CCDC7: variants seen among roughly 807,000 people sequenced by gnomAD.
The protein encoded by CCDC7 is coiled-coil domain containing 7.
CCDC7 carries 183 observed loss-of-function variants against 196.9 expected under a neutral mutation model. The ratio of observed to expected loss-of-function variants is 0.93; its 90% CI spans 0.82 to 1.05. CCDC7 has a LOEUF of 1.05. Ranked by LOEUF, CCDC7 falls within the 50% of genes least tolerant of loss-of-function variation. The pLI is 0.00. For missense variants in CCDC7, 1,540 were observed against 1,482.2 expected, an observed-to-expected ratio of 1.04 and a Z score of -0.64; for synonymous variants, 525 against 484.6, an observed-to-expected ratio of 1.08 and a Z score of -1.10.
chr10:32,751,970 A>G (rs1484922363), intron 28 of CCDC7, among the ~76,000 whole-genome samples: 1 of 152,134 alleles, frequency 6.6e-6, no homozygotes, highest in Non-Finnish European at 1.5e-5. Context: ...TTGCCTCTGT[A>G]TGATAGAAAA....
rs879692331 is a variant in CCDC7, at chr10:32,517,287, ATTAAG to A, written c.873-651_873-647del. The stretch of plus-strand genomic sequence containing the variant: ...TTATGGACATGAAGAAATCTCAGAC[ATTAAG>A]TTAAGTGAAAAAGTAAGTTTGGAAC... On this transcript the variant is annotated intron_variant, in intron 9 of 41. Transcript: ENST00000639629. Among the ~76,000 whole-genome samples the A allele has an allele frequency of 1.1e-3, 165 of 152,276 alleles. 1 individual carries two copies. The highest frequency in any genetic ancestry group is 3.4e-3 in the African/African-American group (140 of 41,564).
intron 26 of CCDC7, among the ~76,000 whole-genome samples, chr10:32,727,389 T>A (rs1400313648): frequency 6.6e-6 from 1 of 152,128 alleles, no homozygotes; most frequent in Admixed American, 6.6e-5. Context: ...TGGTGGGGAA[T>A]GTTAAAGTGC....
intron 41 of CCDC7, among the ~76,000 whole-genome samples, chr10:32,870,257 G>A (rs370159188): frequency 1.3e-5 from 2 of 152,104 alleles, no homozygotes; most frequent in South Asian, 2.1e-4. Flanking sequence ...ATTTGTTTGT[G>A]TCCTCTTTTA....
At chr10:32,689,391 A>C (rs2076818491) in intron 23 of CCDC7, among the ~76,000 whole-genome samples, 1 of 152,214 alleles carries the variant, frequency 6.6e-6, no homozygotes, top group Non-Finnish European at 1.5e-5. Flanking sequence ...TTTATAACAA[A>C]TGTATAATTG....
intron 3 of CCDC7, among the ~76,000 whole-genome samples, chr10:32,459,052 G>C (rs1366006687): frequency 6.6e-6 from 1 of 151,836 alleles, no homozygotes; most frequent in African/African-American, 2.4e-5. Context: ...TTATTTTGTA[G>C]CTATTATAAA....
chr10:32,846,039 G>A (rs985144886), intron 36 of CCDC7, 80 bp downstream of exon 37: 1 of 1,000,792 alleles, frequency 1.0e-6, no homozygotes, highest in African/African-American at 1.6e-5. Context: ...GACCTTTAAT[G>A]ACAACAGTAC....
chr10:32,877,446 A>C (rs2094629124), downstream of CCDC7, among the ~76,000 whole-genome samples: 1 of 152,076 alleles, frequency 6.6e-6, no homozygotes, highest in African/African-American at 2.4e-5. Flanking sequence ...GGTTGTGAAT[A>C]AAGTGGATTT....
At position 32,571,855 on chromosome 10, in the gene CCDC7, A is replaced by G. The variant is rs371549786; in HGVS notation, c.1420-4A>G. The stretch of plus-strand genomic sequence containing the variant: ...TTTTAAATGTAGTATTATCTTTATC[A>G]CAGATCACTGCCCAAAGCGGAAGAC... On this transcript the variant is annotated splice_region_variant and splice_polypyrimidine_tract_variant and intron_variant, in intron 15 of 41. Coordinates refer to ENST00000639629, the Ensembl canonical transcript of CCDC7. 5 of 1,563,436 alleles carry G rather than the reference A, an allele frequency of 3.2e-6. No homozygotes were observed. The African/African-American group carries it at 6.9e-5, about 22-fold the overall frequency.
intron 11 of CCDC7, among the ~76,000 whole-genome samples, chr10:32,533,332 G>T (rs2049989637): frequency 6.6e-6 from 1 of 150,454 alleles, no homozygotes; most frequent in African/African-American, 2.4e-5. Context: ...CTCAATTTAT[G>T]TATTTTATAT....
chr10:32,623,542 A>T (rs918548109), intron 18 of CCDC7, among the ~76,000 whole-genome samples: 1 of 152,130 alleles, frequency 6.6e-6, no homozygotes, highest in Admixed American at 6.6e-5. Context: ...GTAAGTTTTA[A>T]TGTCTTAATT....
At chr10:32,536,770 C>T (rs2050578066) in intron 11 of CCDC7, among the ~76,000 whole-genome samples, 1 of 151,898 alleles carries the variant, frequency 6.6e-6, no homozygotes, top group African/African-American at 2.4e-5. Context: ...GGGTATTTGG[C>T]ACTAGCCATT....
chr10:32,652,695 T>C (rs1038546489), intron 20 of CCDC7, among the ~76,000 whole-genome samples: 1 of 152,150 alleles, frequency 6.6e-6, no homozygotes, highest in Non-Finnish European at 1.5e-5. Context: ...AAAAAAACTT[T>C]ATACTTTACT....
chr10:32,488,760 C>T (rs749627828), intron 8 of CCDC7, among the ~76,000 whole-genome samples: 3 of 152,188 alleles, frequency 2.0e-5, no homozygotes, highest in African/African-American at 7.2e-5. Context: ...TTATAGCTTA[C>T]TGAGCTTCCT....
chr10:32,568,047 G>A (rs996122340), intron 15 of CCDC7, among the ~76,000 whole-genome samples, 156 bp downstream of exon 16: 5 of 127,592 alleles, frequency 3.9e-5, no homozygotes, highest in African/African-American at 1.2e-4. Flanking sequence ...TTGCTCTGTC[G>A]CCAGGCTAGA....
rs562972468 is a variant in CCDC7 at position 32,770,337 on chromosome 10, A to T, written c.2906-8640A>T. Among the ~76,000 whole-genome samples the T allele has an allele frequency of 2.0e-5, 3 of 152,276 alleles. No homozygotes were observed. In the East Asian group the frequency reaches 5.8e-4, roughly 29 times the overall value. ...ATCTCCATTTTCACTTGTTTCAGAA[A>T]ATTTTTAAATTTCCATCTTAATTTC... On this transcript the variant is annotated intron_variant, in intron 28 of 41. Coordinates refer to ENST00000639629, the Ensembl canonical transcript of CCDC7.
At chr10:32,744,620 T>A (rs1293260258) in intron 28 of CCDC7, among the ~76,000 whole-genome samples, 1 of 152,238 alleles carries the variant, frequency 6.6e-6, no homozygotes, top group Non-Finnish European at 1.5e-5. Context: ...TATGTCTTCT[T>A]TGGTAAGATG....
intron 11 of CCDC7, among the ~76,000 whole-genome samples, chr10:32,531,119 TG>T (rs1210734037): frequency 6.6e-6 from 1 of 152,172 alleles, no homozygotes; most frequent in Non-Finnish European, 1.5e-5. Flanking sequence ...TACTTGATTA[TG>T]GTGATTGATT....
intron 16 of CCDC7, among the ~76,000 whole-genome samples, chr10:32,573,023 G>A (rs567489774): frequency 3.3e-5 from 5 of 152,124 alleles, no homozygotes; most frequent in Admixed American, 6.6e-5. Context: ...GATTACAGGC[G>A]TCCACCACCA....
chr10:32,676,898 C>G (rs191594530), intron 21 of CCDC7, among the ~76,000 whole-genome samples: 1 of 152,160 alleles, frequency 6.6e-6, no homozygotes, highest in African/African-American at 2.4e-5. Flanking sequence ...GTAAATCATG[C>G]TGCTATAAAG....
Sources: allele counts gnomAD v4.1 joint callset (sites outside exome capture counted in the v4.1 genomes callset), GRCh38; gene constraint gnomAD v4.1.1; transcripts MANE v1.5; gene names NCBI Gene and HGNC (gene_info 2026-07-23, HGNC 2026-07-21).